The following UPP2 variants were observed in gnomAD, a reference collection of about 807,000 sequenced individuals.
The protein encoded by UPP2 is uridine phosphorylase 2, also known as UPase 2.
Under a neutral mutation model 26.7 loss-of-function variants are expected in UPP2, and 23 were observed. That is an observed-to-expected ratio of 0.86 (90% confidence interval 0.62 to 1.22). The LOEUF (loss-of-function observed/expected upper bound fraction) is 1.22, where lower values mean the gene tolerates loss of function less well. Ranked by LOEUF, UPP2 falls within the 50% of genes most tolerant of loss-of-function variation. UPP2 has a pLI of 0.00. For synonymous variants in UPP2, 127 were observed against 141.3 expected, an observed-to-expected ratio of 0.90 and a Z score of 0.72; for missense variants, 387 against 396.7, an observed-to-expected ratio of 0.98 and a Z score of 0.21.
intron 6 of UPP2, among the ~76,000 whole-genome samples, chr2:158,125,064 G>C (rs1215462575): frequency 6.6e-6 from 1 of 152,178 alleles, no homozygotes; most frequent in African/African-American, 2.4e-5. Flanking sequence ...ATTGAGATGG[G>C]AGAGACCAAG....
At chr2:158,081,760 A>G (rs989602172) in intron 3 of UPP2, among the ~76,000 whole-genome samples, 2 of 152,118 alleles carry the variant, frequency 1.3e-5, no homozygotes, top group Non-Finnish European at 2.9e-5. Flanking sequence ...AATTAAAAAA[A>G]TTGAACTCAT....
At chr2:158,058,854 G>T (rs756445740) in intron 3 of UPP2, among the ~76,000 whole-genome samples, 6 of 152,152 alleles carry the variant, frequency 3.9e-5, no homozygotes, top group South Asian at 4.1e-4. Flanking sequence ...GAAAGTGAAT[G>T]GTTTGGGAAG....
chr2:158,025,728 G>A (rs937175506), intron 3 of UPP2, among the ~76,000 whole-genome samples: 6 of 152,228 alleles, frequency 3.9e-5, no homozygotes, highest in African/African-American at 1.2e-4. Flanking sequence ...AGTGGGCTTT[G>A]GGCCATATGT....
upstream of UPP2, among the ~76,000 whole-genome samples, chr2:158,099,977 G>T (rs566775998): frequency 6.6e-6 from 1 of 152,258 alleles, no homozygotes; most frequent in African/African-American, 2.4e-5. Flanking sequence ...TTTGCCTTGT[G>T]CACTCCTGTG....
intron 2 of UPP2, 130 bp from the exon 3 acceptor site, chr2:158,114,971 T>G: frequency 2.3e-6 from 2 of 861,868 alleles, no homozygotes; most frequent in Non-Finnish European, 3.2e-6. Flanking sequence ...TCATGGAACA[T>G]AAACCATGAC....
chr2:158,088,471 C>G (rs1045377829), intron 3 of UPP2, among the ~76,000 whole-genome samples: 1 of 152,126 alleles, frequency 6.6e-6, no homozygotes, highest in East Asian at 1.9e-4. Flanking sequence ...TTTCTGAATT[C>G]TTTTTCTGGC....
chr2:158,083,383 A>C (rs28874086), intron 3 of UPP2, among the ~76,000 whole-genome samples: 2,934 of 152,242 alleles, frequency 0.019, 101 homozygotes, highest in African/African-American at 0.067. Flanking sequence ...TCATTAAAAA[A>C]GATGATTTCA....
chr2:158,010,763 C>CTTTTT (rs34328148), intron 2 of UPP2, among the ~76,000 whole-genome samples: 2 of 82,908 alleles, frequency 2.4e-5, no homozygotes, highest in Non-Finnish European at 2.9e-5. Flanking sequence ...CCCTCTTTTT[C>CTTTTT]TTTTTTTTTT....
intron 3 of UPP2, among the ~76,000 whole-genome samples, chr2:158,115,667 A>T (rs1398743195): frequency 6.6e-6 from 1 of 152,222 alleles, no homozygotes; most frequent in Non-Finnish European, 1.5e-5. Flanking sequence ...AAGCTCGCTG[A>T]AAAGCTGCTA....
At chr2:158,037,751 G>T (rs555137600) in intron 3 of UPP2, among the ~76,000 whole-genome samples, 4 of 145,768 alleles carry the variant, frequency 2.7e-5, no homozygotes, top group African/African-American at 1.0e-4. Context: ...ACTCAAGTAT[G>T]ACCTCATCTT....
At chr2:158,086,624 T>G (rs1323974710) in intron 3 of UPP2, among the ~76,000 whole-genome samples, 1 of 152,102 alleles carries the variant, frequency 6.6e-6, no homozygotes, top group Non-Finnish European at 1.5e-5. Flanking sequence ...ATGTAGATAT[T>G]TAAGGCTATG....
At chr2:158,101,847 G>C, upstream of UPP2, 1 of 1,328,394 alleles carries the variant, frequency 7.5e-7, no homozygotes, top group Non-Finnish European at 9.6e-7. Context: ...TGGTATAAAA[G>C]TCATGTCAGG....
chr2:158,046,567 T>A, intron 3 of UPP2, among the ~76,000 whole-genome samples: 1 of 152,192 alleles, frequency 6.6e-6, no homozygotes, highest in Admixed American at 6.5e-5. Flanking sequence ...TAAAGGTAGA[T>A]AAATTAATAG....
At chr2:157,997,830 A>G (rs919648792) in intron 2 of UPP2, among the ~76,000 whole-genome samples, 2 of 152,178 alleles carry the variant, frequency 1.3e-5, no homozygotes, top group African/African-American at 4.8e-5. Flanking sequence ...TTTCCTTAAG[A>G]TGCACTACAA....
intron 3 of UPP2, among the ~76,000 whole-genome samples, chr2:158,031,666 G>C (rs1683923316): frequency 6.6e-6 from 1 of 152,162 alleles, no homozygotes; most frequent in South Asian, 2.1e-4. Context: ...ACATAAAGCT[G>C]TTTAATCAGA....
intron 3 of UPP2, among the ~76,000 whole-genome samples, chr2:158,062,204 C>T (rs1412182182): frequency 6.6e-6 from 1 of 152,164 alleles, no homozygotes. Flanking sequence ...TTTATTTGTG[C>T]TGTACAGTGC....
At chr2:158,028,905 C>A (rs1683876908) in intron 3 of UPP2, among the ~76,000 whole-genome samples, 1 of 152,200 alleles carries the variant, frequency 6.6e-6, no homozygotes, top group South Asian at 2.1e-4. Flanking sequence ...GAAACCACTC[C>A]TATGATTCAA....
intron 3 of UPP2, among the ~76,000 whole-genome samples, chr2:158,064,505 T>C (rs1682404694): frequency 1.0e-5 from 1 of 97,804 alleles, no homozygotes; most frequent in South Asian, 3.1e-4. Context: ...GTCAGATGGA[T>C]AGATTGCAAA....
chr2:158,021,663 A>T (rs1683754003), intron 3 of UPP2, among the ~76,000 whole-genome samples: 1 of 152,196 alleles, frequency 6.6e-6, no homozygotes, highest in African/African-American at 2.4e-5. Flanking sequence ...AAAGTTTGAT[A>T]TTGGAATTTA....
Sources: allele counts gnomAD v4.1 joint callset (sites outside exome capture counted in the v4.1 genomes callset), GRCh38; gene constraint gnomAD v4.1.1; transcripts MANE v1.5; gene names NCBI Gene and HGNC (gene_info 2026-07-23, HGNC 2026-07-21).